The following LRP1B variants were observed in gnomAD, a reference collection of about 807,000 sequenced individuals.
LRP1B encodes LDL receptor related protein 1B, also known as low-density lipoprotein receptor-related protein 1B.
In LRP1B, 217 loss-of-function variants were observed where a neutral mutation model predicts 556.6. The ratio of observed to expected loss-of-function variants is 0.39; its 90% confidence interval spans 0.35 to 0.44. The LOEUF is 0.44. Ranked by LOEUF, LRP1B falls within the 20% of genes least tolerant of loss-of-function variation. The pLI is 1.00. For missense variants in LRP1B, 5,053 were observed against 5,620.8 expected, an observed-to-expected ratio of 0.90 and a Z score of 3.23; for synonymous variants, 2,047 against 1,865.8, an observed-to-expected ratio of 1.10 and a Z score of -2.50.
At chr2:141,449,532 ACT>A (rs1244067239) in intron 3 of LRP1B, among the ~76,000 whole-genome samples, 9 of 151,954 alleles carry the variant, frequency 5.9e-5, no homozygotes, top group Admixed American at 5.9e-4. Context: ...TATCTTCCTA[ACT>A]CTACTTTGCC....
chr2:141,148,227 G>T (rs1574125526), intron 7 of LRP1B, among the ~76,000 whole-genome samples: 1 of 152,136 alleles, frequency 6.6e-6, no homozygotes, highest in Non-Finnish European at 1.5e-5. Context: ...TATGTACTAG[G>T]ATATAATCTG....
intron 77 of LRP1B, among the ~76,000 whole-genome samples, chr2:140,342,068 A>G (rs1037704415): frequency 2.0e-5 from 3 of 151,508 alleles, no homozygotes; most frequent in Non-Finnish European, 4.4e-5. Context: ...ACATCAAAAA[A>G]ATAGCAGATG....
At chr2:141,157,851 C>T (rs924523459) in intron 7 of LRP1B, among the ~76,000 whole-genome samples, 1 of 152,134 alleles carries the variant, frequency 6.6e-6, no homozygotes, top group African/African-American at 2.4e-5. Context: ...TTAAAACCCT[C>T]ATTGGTGTAA....
intron 3 of LRP1B, among the ~76,000 whole-genome samples, chr2:141,406,204 A>G (rs1393254476): frequency 6.6e-6 from 1 of 152,266 alleles, no homozygotes; most frequent in Non-Finnish European, 1.5e-5. Context: ...TCTTTTATCA[A>G]AATAAAACAT....
chr2:140,364,793 AAAAC>A lies in LRP1B; in HGVS notation c.11009-14_11009-11del, dbSNP rs1387979038. 1 of 1,607,440 alleles carries A rather than the reference AAAAC, an allele frequency of 6.2e-7. No homozygotes were observed. The highest frequency in any genetic ancestry group is 1.7e-5 in the Admixed American group (1 of 59,568). ...CTACATATATTTCCTCCTTTATTTT[AAAAC>A]AAAAAGAAACAAAGAGATTCAGAGT... On this transcript the variant is annotated splice_polypyrimidine_tract_variant and intron_variant, in intron 71 of 90. Coordinates refer to ENST00000389484, the MANE Select transcript of LRP1B (RefSeq NM_018557.3).
At chr2:141,514,183 A>C (rs1030446538) in intron 2 of LRP1B, among the ~76,000 whole-genome samples, 3 of 152,008 alleles carry the variant, frequency 2.0e-5, no homozygotes. Flanking sequence ...TGATCATGCC[A>C]TTTTGACGAC....
At chr2:140,361,141 C>G (rs1409388572) in intron 72 of LRP1B, among the ~76,000 whole-genome samples, 1 of 150,418 alleles carries the variant, frequency 6.6e-6, no homozygotes, top group Non-Finnish European at 1.5e-5. Flanking sequence ...TAGAAACCCA[C>G]TTTCTTCCCA....
intron 11 of LRP1B, among the ~76,000 whole-genome samples, chr2:141,039,197 TACTGGCC>T (rs1698625874): frequency 6.6e-6 from 1 of 152,224 alleles, no homozygotes; most frequent in African/African-American, 2.4e-5. Flanking sequence ...GTTATTCACT[TACTGGCC>T]ACCCAGGTTG....
At chr2:140,262,274 C>G (rs1390141082) in intron 86 of LRP1B, among the ~76,000 whole-genome samples, 2 of 152,044 alleles carry the variant, frequency 1.3e-5, no homozygotes, top group African/African-American at 4.8e-5. Context: ...AAAATAAAAG[C>G]TAGTTTTAAT....
At chr2:141,959,594 T>C (rs1270429694) in intron 1 of LRP1B, among the ~76,000 whole-genome samples, 1 of 151,922 alleles carries the variant, frequency 6.6e-6, no homozygotes, top group Non-Finnish European at 1.5e-5. Context: ...ATAGATAACT[T>C]TACATTTTCT....
rs1459692960 is a variant in LRP1B at position 141,067,606 on chromosome 2, C to T, written c.1014-5333G>A. Among the ~76,000 whole-genome samples, 3 of 151,998 alleles carry T rather than the reference C, an allele frequency of 2.0e-5. No individual in the cohort carries two copies. In the East Asian group the frequency reaches 5.8e-4, roughly 29 times the overall value. On this transcript the variant is annotated intron_variant, in intron 7 of 90. Transcript: ENST00000389484. ...CAATGTGGCTGACTCGTTGAACGTC[C>T]TTATTTACCTAAACCTGCCCCATTT...
intron 1 of LRP1B, among the ~76,000 whole-genome samples, chr2:142,082,330 T>C (rs1375377447): frequency 6.6e-6 from 1 of 152,180 alleles, no homozygotes; most frequent in Non-Finnish European, 1.5e-5. Flanking sequence ...AAAAAATTAC[T>C]TTGGCTTTTT....
intron 2 of LRP1B, among the ~76,000 whole-genome samples, chr2:141,511,399 A>C (rs190214039): frequency 6.6e-6 from 1 of 152,256 alleles, no homozygotes; most frequent in Admixed American, 6.5e-5. Flanking sequence ...AATGCAAGGT[A>C]TATATTTTTT....
intron 88 of LRP1B, among the ~76,000 whole-genome samples, chr2:140,238,634 A>G (rs1249587553): frequency 6.6e-6 from 1 of 150,892 alleles, no homozygotes; most frequent in Non-Finnish European, 1.5e-5. Context: ...TCAATCCCCA[A>G]GTTACATGGT....
At chr2:141,140,197 A>C (rs552523104) in intron 7 of LRP1B, among the ~76,000 whole-genome samples, 2 of 152,222 alleles carry the variant, frequency 1.3e-5, no homozygotes, top group Admixed American at 1.3e-4. Flanking sequence ...GAAAAACTAC[A>C]TAGAGCACAA....
intron 3 of LRP1B, among the ~76,000 whole-genome samples, chr2:141,470,961 A>T (rs1682439673): frequency 6.6e-6 from 1 of 152,180 alleles, no homozygotes. Flanking sequence ...TCTAAATGTT[A>T]TTTGAAAAGG....
At chr2:142,008,878 C>T (rs549562940) in intron 1 of LRP1B, among the ~76,000 whole-genome samples, 1 of 151,684 alleles carries the variant, frequency 6.6e-6, no homozygotes, top group East Asian at 1.9e-4. Flanking sequence ...GTCCTCCATC[C>T]ACCAGCAGGT....
intron 3 of LRP1B, among the ~76,000 whole-genome samples, chr2:141,268,115 G>C (rs996909291): frequency 2.6e-5 from 4 of 152,042 alleles, no homozygotes; most frequent in Non-Finnish European, 5.9e-5. Flanking sequence ...GATGAACAAA[G>C]ACAAATGCAA....
intron 17 of LRP1B, among the ~76,000 whole-genome samples, chr2:140,986,960 G>A (rs1696944618): frequency 6.6e-6 from 1 of 152,078 alleles, no homozygotes; most frequent in Admixed American, 6.6e-5. Context: ...ACTTCCCATT[G>A]GAAAGTCTTT....
Sources: allele counts gnomAD v4.1 joint callset (sites outside exome capture counted in the v4.1 genomes callset), GRCh38; gene constraint gnomAD v4.1.1; transcripts MANE v1.5; gene names NCBI Gene and HGNC (gene_info 2026-07-23, HGNC 2026-07-21).